CENPT: variants seen among roughly 807,000 people sequenced by gnomAD.
The protein encoded by CENPT is centromere protein T.
A neutral mutation model predicts 59.7 loss-of-function variants in CENPT; 42 were observed. That is an observed-to-expected ratio of 0.70 (90% CI 0.55 to 0.91). The LOEUF (loss-of-function observed/expected upper bound fraction) is 0.91, where lower values mean the gene tolerates loss of function less well. CENPT is among the 40% of genes least tolerant of loss of function. The pLI, the probability that CENPT is intolerant of heterozygous loss-of-function variation, is 0.00. For synonymous variants in CENPT, 295 were observed against 289.6 expected, an observed-to-expected ratio of 1.02 and a Z score of -0.19; for missense variants, 716 against 713.4, an observed-to-expected ratio of 1.00 and a Z score of -0.04.
rs563400461 is a variant in CENPT at position 67,843,779 on chromosome 16, A to G, written c.-492+3622T>C. On this transcript the variant is annotated intron_variant, in intron 1 of 15. Coordinates refer to ENST00000562787, the MANE Select transcript of CENPT (RefSeq NM_025082.4). The surrounding 1 kb of genome is among the most constrained non-coding windows in gnomAD (Gnocchi z 5.7). ...CTGGTTAAGCAGAGGCTTCAGAACC[A>G]CTGAACTTGAAACTTACCCTCTAGG... The G allele has an allele frequency of 1.2e-4, 51 of 415,218 alleles. No individual in the cohort carries two copies. In the South Asian group the frequency reaches 1.9e-3, roughly 15 times the overall value. The allele number at this position is 415,218 out of a possible 1,614,324, so 25.7% of individuals were successfully genotyped here. A position where few individuals can be genotyped will look rare whatever the true frequency, so the allele number is the denominator to read the frequency against.
intron 1 of CENPT, among the ~76,000 whole-genome samples, chr16:67,840,313 G>A (rs1042377214): frequency 2.0e-5 from 3 of 152,014 alleles, no homozygotes; most frequent in African/African-American, 7.2e-5. Context: ...GCGAGACTCC[G>A]TCTCAAAATA....
At chr16:67,841,308 G>A (rs2057759864) in intron 1 of CENPT, among the ~76,000 whole-genome samples, 1 of 151,042 alleles carries the variant, frequency 6.6e-6, no homozygotes, top group Non-Finnish European at 1.5e-5. Context: ...GCTCTCAGTG[G>A]CCTGCAGAAT....
chr16:67,830,256 C>T (rs2057673067), intron 11 of CENPT, 134 bp downstream of exon 11: 1 of 1,283,064 alleles, frequency 7.8e-7, no homozygotes, highest in South Asian at 1.3e-5. Context: ...AACATGGACT[C>T]TGCTCTTGGA....
In CENPT at chr16:67,843,663, T is replaced by C. The variant is rs2057780066; in HGVS notation, c.-492+3738A>G. ...CCTGGCATCCTCAATTGTTTCCTCC[T>C]GAAGTGGAAGCTGGGGCCTTAGACT... On this transcript the variant is annotated intron_variant, in intron 1 of 15. Coordinates refer to ENST00000562787, the MANE Select transcript of CENPT (RefSeq NM_025082.4). This position sits in a 1 kb window ranked among gnomAD's most constrained non-coding sequence, Gnocchi z 5.7. 1.5e-6 allele frequency: 1 copy of C among 685,098 alleles called. No homozygotes were observed. The highest frequency in any genetic ancestry group is 3.3e-5 in the Admixed American group (1 of 30,554). The allele number at this position is 685,098 out of a possible 1,614,324, so 42.4% of individuals were successfully genotyped here.
intron 1 of CENPT, among the ~76,000 whole-genome samples, chr16:67,838,419 C>T (rs201799017): frequency 1.3e-5 from 2 of 150,282 alleles, no homozygotes; most frequent in African/African-American, 2.5e-5. Context: ...GTCAGGAGTT[C>T]GAGACCAGCC....
intron 1 of CENPT, among the ~76,000 whole-genome samples, chr16:67,838,842 G>A (rs889809908): frequency 4.6e-5 from 7 of 151,424 alleles, no homozygotes; most frequent in African/African-American, 1.5e-4. Flanking sequence ...CAGGAAAATC[G>A]TGTGAACTCG....
At chr16:67,846,020 AC>A (rs938000321) in intron 1 of CENPT, among the ~76,000 whole-genome samples, 3 of 152,192 alleles carry the variant, frequency 2.0e-5, no homozygotes, top group African/African-American at 7.2e-5. Context: ...TACCTGTGGT[AC>A]CCCAAGTTGG....
chr16:67,841,010 C>T (rs1172929843), intron 1 of CENPT, among the ~76,000 whole-genome samples: 2 of 109,384 alleles, frequency 1.8e-5, no homozygotes, highest in African/African-American at 3.5e-5. Context: ...ATACAAAATA[C>T]ATATATATAT....
rs115636856 is a variant in CENPT at position 67,833,364 on chromosome 16, T to G, written c.110+386A>C. Among the ~76,000 whole-genome samples the G allele has an allele frequency of 5.0e-3, 758 of 152,322 alleles. 3 individuals carry two copies. The highest frequency in any genetic ancestry group is 0.017 in the African/African-American group (707 of 41,568). ...ATGCCTAGGCACACCCTGGCTGGTC[T>G]GGGGAAAGCTGCCTAGAGAACAGAG... On this transcript the variant is annotated intron_variant, in intron 4 of 15. Transcript: ENST00000562787.
At position 67,831,279 on chromosome 16, in the gene CENPT, G is replaced by A. The variant is rs776120648; in HGVS notation, c.640C>T (p.Arg214Cys). The A allele has an allele frequency of 1.1e-5, 18 of 1,614,056 alleles. No individual in the cohort carries two copies. Among genetic ancestry groups the A allele is most frequent in the East Asian group, 8.9e-5 (4 of 44,894 alleles). ...RPGLARRPPARRAVDVGAFLR... is the reference protein window; with the variant it reads ...RPGLARRPPACRAVDVGAFLR... ...AAGGCACCCACGTCTACAGCTCGGCGGGCTGGAGGTCTGCGGGCCAAGCCA... is the reference window on the plus strand; with the variant it reads ...AAGGCACCCACGTCTACAGCTCGGCAGGCTGGAGGTCTGCGGGCCAAGCCA... Residue 214 changes from arginine to cysteine, a missense_variant, in exon 10 of 16, where the codon CGC (arginine) becomes TGC (cysteine). Coordinates refer to ENST00000562787, the MANE Select transcript of CENPT (RefSeq NM_025082.4).
chr16:67,843,941 T>G lies in CENPT; in HGVS notation c.-492+3460A>C. On this transcript the variant is annotated intron_variant, in intron 1 of 15. Coordinates refer to ENST00000562787, the MANE Select transcript of CENPT (RefSeq NM_025082.4). This position sits in a 1 kb window ranked among gnomAD's most constrained non-coding sequence, Gnocchi z 5.7. ...GTTCTCCTCCTTTTCATGCTTTTCC[T>G]TCCCAGGTGCAGCCTGTGATTCTGA... 5.9e-6 allele frequency: 1 copy of G among 170,018 alleles called. No homozygotes were observed. The allele number at this position is 170,018 out of a possible 1,614,324, so 10.5% of individuals were successfully genotyped here.
rs2057769808 is a variant in CENPT at position 67,842,600 on chromosome 16, C to T, written c.-492+4801G>A. 6.5e-7 allele frequency: 1 copy of T among 1,548,126 alleles called. No individual in the cohort carries two copies. Among genetic ancestry groups the T allele is most frequent in the Non-Finnish European group, 8.7e-7 (1 of 1,144,962 alleles). On this transcript the variant is annotated intron_variant, in intron 1 of 15. Coordinates refer to ENST00000562787, the MANE Select transcript of CENPT (RefSeq NM_025082.4). This position sits in a 1 kb window ranked among gnomAD's most constrained non-coding sequence, Gnocchi z 4.9. ...CGTGCCAGGCTGCTACAACAACTCG[C>T]ACCGGGACAAGGCGCTGCACTTCTA...
intron 6 of CENPT, 49 bp downstream of exon 6, chr16:67,832,177 CTG>C (rs2057698450): frequency 6.8e-6 from 11 of 1,607,876 alleles, no homozygotes; most frequent in Non-Finnish European, 9.4e-6. Flanking sequence ...TACCACAAGA[CTG>C]GGGTTGGACT....
At position 67,842,549 on chromosome 16, in the gene CENPT, G is replaced by C; in HGVS notation, c.-492+4852C>G. On this transcript the variant is annotated intron_variant, in intron 1 of 15. Coordinates refer to ENST00000562787, the MANE Select transcript of CENPT (RefSeq NM_025082.4). This position sits in a 1 kb window ranked among gnomAD's most constrained non-coding sequence, Gnocchi z 4.9. ...GGTGGGCCGGGCCGGGCCGCGCGGC[G>C]CAGCCATGCCTGGCTTTACGTGCTG... 6.6e-7 allele frequency: 1 copy of C among 1,510,622 alleles called. No individual in the cohort carries two copies. Among genetic ancestry groups the C allele is most frequent in the Non-Finnish European group, 8.9e-7 (1 of 1,124,978 alleles). The allele number at this position is 1,510,622 out of a possible 1,614,324, so 93.6% of individuals were successfully genotyped here. A position where few individuals can be genotyped will look rare whatever the true frequency, so the allele number is the denominator to read the frequency against.
intron 1 of CENPT, 64 bp downstream of exon 1, chr16:67,847,337 C>T (rs905649164): frequency 2.6e-5 from 4 of 152,414 alleles, no homozygotes; most frequent in African/African-American, 9.6e-5. Flanking sequence ...CCGGCCTGCG[C>T]GAGCCCCGCA....
Position 67,842,385 on chromosome 16 carries a change from T to G in CENPT, c.-492+5016A>C. The G allele has an allele frequency of 3.4e-6, 1 of 298,050 alleles. No homozygotes were observed. The highest frequency in any genetic ancestry group is 5.5e-6 in the Non-Finnish European group (1 of 182,740). 18.5% of individuals were successfully genotyped at this position (298,050 alleles called of 1,614,324 possible). A position where few individuals can be genotyped will look rare whatever the true frequency, so the allele number is the denominator to read the frequency against. ...GCGCGGCGCGGGCCGGCAGGAAGCG[T>G]ATTCTGGGCACGGGGCGCCGGGCGG... On this transcript the variant is annotated intron_variant, in intron 1 of 15. Transcript: ENST00000562787. This position sits in a 1 kb window ranked among gnomAD's most constrained non-coding sequence, Gnocchi z 4.9.
Position 67,842,512 on chromosome 16 carries a change from G to T in CENPT, c.-492+4889C>A, listed in dbSNP as rs1383640215. On this transcript the variant is annotated intron_variant, in intron 1 of 15. Transcript: ENST00000562787. This position sits in a 1 kb window ranked among gnomAD's most constrained non-coding sequence, Gnocchi z 4.9. ...GGCGTAGCCACTGGGCCGTCGAAGA[G>T]CGCAGGAGGCCGGTGGGCCGGGCCG... 1 of 1,459,396 alleles carries T rather than the reference G, an allele frequency of 6.9e-7. No individual in the cohort carries two copies. Among genetic ancestry groups the T allele is most frequent in the Admixed American group, 2.5e-5 (1 of 40,708 alleles). The allele number at this position is 1,459,396 out of a possible 1,614,324, so 90.4% of individuals were successfully genotyped here.
rs1013854543 is a variant in CENPT at position 67,842,893 on chromosome 16, A to G, written c.-492+4508T>C. Reference sequence around the variant, plus strand: ...AGCAGCAACAGCAGCAGCAGCAGCAACAGCAGCAACAGCAGCAGCAGCAGC... The same window carrying G: ...AGCAGCAACAGCAGCAGCAGCAGCAGCAGCAGCAACAGCAGCAGCAGCAGC... On this transcript the variant is annotated intron_variant, in intron 1 of 15. Transcript: ENST00000562787. This position sits in a 1 kb window ranked among gnomAD's most constrained non-coding sequence, Gnocchi z 4.9. 298 of 1,585,484 alleles carry G rather than the reference A, an allele frequency of 1.9e-4. No individual in the cohort carries two copies. The highest frequency in any genetic ancestry group is 7.4e-4 in the South Asian group (63 of 85,344).
At position 67,843,260 on chromosome 16, in the gene CENPT, G is replaced by A; in HGVS notation, c.-492+4141C>T. On this transcript the variant is annotated intron_variant, in intron 1 of 15. Transcript: ENST00000562787. The surrounding 1 kb of genome is among the most constrained non-coding windows in gnomAD (Gnocchi z 5.7). ...CCAGTTGGTGGTGGTAGGGGAAGAGGGCTTCCCTGATACTGGCTCCGACCA... is the reference window on the plus strand; with the variant it reads ...CCAGTTGGTGGTGGTAGGGGAAGAGAGCTTCCCTGATACTGGCTCCGACCA... The A allele has an allele frequency of 1.9e-6, 3 of 1,613,098 alleles. No individual in the cohort carries two copies. The highest frequency in any genetic ancestry group is 2.2e-5 in the East Asian group (1 of 44,874).
Sources: allele counts gnomAD v4.1 joint callset (sites outside exome capture counted in the v4.1 genomes callset), GRCh38; gene constraint gnomAD v4.1.1; non-coding constraint Gnocchi (gnomAD v3.1); transcripts MANE v1.5; gene names NCBI Gene and HGNC (gene_info 2026-07-23, HGNC 2026-07-21).